Variants in CD8A observed in about 807,000 individuals in gnomAD.
CD8A encodes the protein CD8 subunit alpha.
A neutral mutation model predicts 24.2 loss-of-function variants in CD8A; 25 were observed. The observed-to-expected ratio is 1.03, with a 90% CI of 0.75 to 1.44. The LOEUF is 1.44. CD8A is among the 40% of genes most tolerant of loss of function. CD8A has a pLI of 0.00. For missense variants in CD8A, 360 were observed against 319.7 expected (o/e 1.13, Z -0.96); for synonymous variants, 165 against 149.9 (o/e 1.10, Z -0.74).
At chr2:86,802,313 C>T (rs1045015947) in intron 2 of CD8A, among the ~76,000 whole-genome samples, 1 of 152,196 alleles carries the variant, frequency 6.6e-6, no homozygotes, top group Non-Finnish European at 1.5e-5. Flanking sequence ...GCTGGGATTA[C>T]AGGTGTGAGC....
chr2:86,791,241 C>G, upstream of CD8A: 1 of 389,042 alleles, frequency 2.6e-6, no homozygotes, highest in Admixed American at 3.6e-5. Context: ...GTGTCCCTTC[C>G]TTTGCCTTCA....
Position 86,785,752 on chromosome 2 carries a change from C to G in CD8A, c.*168G>C. 1 of 770,886 alleles carries G rather than the reference C, an allele frequency of 1.3e-6. No homozygotes were observed. Among genetic ancestry groups the G allele is most frequent in the South Asian group, 1.4e-5 (1 of 73,206 alleles). 47.8% of individuals were successfully genotyped at this position (770,886 alleles called of 1,614,324 possible). ...GTAGATTTTACCTAGTTTTGTTTCC[C>G]GTCAAACACATAAAGAAAAAGTAAT... On this transcript the variant is annotated 3_prime_UTR_variant, in exon 6 of 6. Coordinates refer to ENST00000283635, the MANE Select transcript of CD8A (RefSeq NM_001768.7).
At chr2:86,794,334 C>T (rs1187637748), upstream of CD8A, among the ~76,000 whole-genome samples, 3 of 152,146 alleles carry the variant, frequency 2.0e-5, no homozygotes, top group Non-Finnish European at 4.4e-5. Context: ...CCGGGCAGAG[C>T]AGTGGTAGGA....
upstream of CD8A, chr2:86,791,229 G>A (rs1244428373): frequency 2.4e-5 from 10 of 409,288 alleles, no homozygotes; most frequent in African/African-American, 1.6e-4. Flanking sequence ...CAAAGGAGGG[G>A]AGTGTCCCTT....
At chr2:86,794,310 T>C (rs1673408078), upstream of CD8A, among the ~76,000 whole-genome samples, 1 of 152,206 alleles carries the variant, frequency 6.6e-6, no homozygotes, top group Non-Finnish European at 1.5e-5. Context: ...TAAAGACATA[T>C]TCAAAATGCA....
At chr2:86,791,181 G>C (rs1386155178), upstream of CD8A, 2 of 506,324 alleles carry the variant, frequency 4.0e-6, no homozygotes, top group Non-Finnish European at 3.7e-6. Context: ...GGTGAAGGGA[G>C]ACCAAAGATT....
intron 4 of CD8A, among the ~76,000 whole-genome samples, chr2:86,789,076 A>G (rs1420239198): frequency 2.0e-5 from 3 of 152,186 alleles, no homozygotes; most frequent in African/African-American, 7.2e-5. Flanking sequence ...TCGTCGACGG[A>G]ACACACCCGC....
intron 3 of CD8A, among the ~76,000 whole-genome samples, chr2:86,798,178 C>CTT (rs1215491737): frequency 1.1e-4 from 16 of 142,894 alleles, no homozygotes; most frequent in South Asian, 4.5e-4. Context: ...AGCTTTCTTT[C>CTT]TTTTTTTTTT....
chr2:86,789,684 A>G lies in CD8A; in HGVS notation c.470T>C (p.Leu157Pro). ...TPAPTIASQP[L>P]SLRPEACRPA... ...CCGGCACGCCTCTGGGCGCAGGGAC[A>G]GGGGCTGCGACGCGATGGTGGGCGC... The change falls in exon 3 of 6, where the codon CTG (leucine) becomes CCG (proline). Residue 157 changes from leucine (L) to proline (P), a missense_variant. Leu to Pro is a moderately conservative substitution (Grantham distance 98). Transcript: ENST00000283635. The G allele has an allele frequency of 1.4e-6, 2 of 1,423,998 alleles. No homozygotes were observed. Among genetic ancestry groups the G allele is most frequent in the Non-Finnish European group, 1.8e-6 (2 of 1,094,190 alleles). 88.2% of individuals were successfully genotyped at this position (1,423,998 alleles called of 1,614,324 possible).
upstream of CD8A, among the ~76,000 whole-genome samples, chr2:86,793,997 T>C (rs1342304265): frequency 1.3e-5 from 2 of 152,196 alleles, no homozygotes; most frequent in Non-Finnish European, 2.9e-5. Context: ...GGATTTTCGA[T>C]GTGACCACAA....
rs770488602 is a variant in CD8A, at chr2:86,790,868, G to A, written c.-43C>T. 2.0e-6 allele frequency: 3 copies of A among 1,530,084 alleles called. No homozygotes were observed. The highest frequency in any genetic ancestry group is 2.0e-5 in the Admixed American group (1 of 50,964). The allele number at this position is 1,530,084 out of a possible 1,614,324, so 94.8% of individuals were successfully genotyped here. On this transcript the variant is annotated 5_prime_UTR_variant, in exon 1 of 6. Coordinates refer to ENST00000283635, the MANE Select transcript of CD8A (RefSeq NM_001768.7). Reference sequence around the variant, plus strand: ...GCTGCTTGGCTCGAAGCTCGGGCGCGAGGGGAGGCGCGCGGGAGCCGGTGG... The same window carrying A: ...GCTGCTTGGCTCGAAGCTCGGGCGCAAGGGGAGGCGCGCGGGAGCCGGTGG...
At chr2:86,800,547 C>A (rs575382810) in intron 3 of CD8A, among the ~76,000 whole-genome samples, 1 of 151,764 alleles carries the variant, frequency 6.6e-6, no homozygotes, top group South Asian at 2.1e-4. Flanking sequence ...TTTCTAATAC[C>A]CCAACACTTT....
At position 86,796,316 on chromosome 2, in the gene CD8A, A is replaced by T. The variant is rs560090334; in HGVS notation, c.-271+5195T>A. ...AATATGGGAAGAAAGCATGGCTGAAAATTTTTCACAATTAAAGACAAACAT... is the reference window on the plus strand; with the variant it reads ...AATATGGGAAGAAAGCATGGCTGAATATTTTTCACAATTAAAGACAAACAT... On this transcript the variant is annotated intron_variant, in intron 3 of 8. Transcript: ENST00000409511. Among the ~76,000 whole-genome samples, 15 of 152,330 alleles carry T rather than the reference A, an allele frequency of 9.8e-5. 1 individual carries two copies. The South Asian group carries it at 3.1e-3, about 32-fold the overall frequency.
intron 3 of CD8A, among the ~76,000 whole-genome samples, chr2:86,797,272 T>G (rs1673512553): frequency 6.6e-6 from 1 of 150,492 alleles, no homozygotes; most frequent in Admixed American, 6.6e-5. Context: ...CAAAGGGAGG[T>G]GGTGTGGAAA....
At chr2:86,787,765 G>A (rs1010323748) in intron 5 of CD8A, among the ~76,000 whole-genome samples, 1 of 152,156 alleles carries the variant, frequency 6.6e-6, no homozygotes, top group Admixed American at 6.5e-5. Context: ...GTTGCTGTGA[G>A]GATTAAGAGA....
rs558225181 is a variant in CD8A, at chr2:86,790,477, T to G, written c.254A>C (p.Asp85Ala). 6.2e-7 allele frequency: 1 copy of G among 1,614,012 alleles called. No individual in the cohort carries two copies. The highest frequency in any genetic ancestry group is 1.3e-5 in the African/African-American group (1 of 75,024). ...CCTCTTGCCCGAGAACCGCTGGGTG[T>G]CCAGCCCCTCGGCCGCCTTGGGCTT... ...QNKPKAAEGL[D>A]TQRFSGKRLG... The change falls in exon 2 of 6, where the codon GAC (aspartate) becomes GCC (alanine). Residue 85 changes from aspartate to alanine, a missense_variant. Asp to Ala is a moderately radical substitution (Grantham distance 126). Coordinates refer to ENST00000283635, the MANE Select transcript of CD8A (RefSeq NM_001768.7).
Position 86,789,344 on chromosome 2 carries a change from T to A in CD8A, c.604A>T (p.Ile202Phe), listed in dbSNP as rs2104436226. 1.2e-6 allele frequency: 2 copies of A among 1,611,272 alleles called. No individual in the cohort carries two copies. Among genetic ancestry groups the A allele is most frequent in the South Asian group, 1.1e-5 (1 of 91,034 alleles). ...TTACTGTGGTTGCAGTAAAGGGTGATAACCAGTGACAGGAGAAGGACCCCA... is the reference window on the plus strand; with the variant it reads ...TTACTGTGGTTGCAGTAAAGGGTGAAAACCAGTGACAGGAGAAGGACCCCA... ...TCGVLLLSLV[I>F]TLYCNHRNRR... Residue 202 changes from isoleucine to phenylalanine, a missense_variant, in exon 4 of 6, where the codon ATC (isoleucine) becomes TTC (phenylalanine). Transcript: ENST00000283635.
upstream of CD8A, among the ~76,000 whole-genome samples, chr2:86,792,734 G>A (rs965023875): frequency 5.3e-5 from 8 of 151,764 alleles, no homozygotes; most frequent in Non-Finnish European, 1.0e-4. Flanking sequence ...GAGGTCAGGC[G>A]CTTTGCCCCG....
At chr2:86,793,183 C>G (rs1673369101), upstream of CD8A, among the ~76,000 whole-genome samples, 1 of 152,178 alleles carries the variant, frequency 6.6e-6, no homozygotes, top group Admixed American at 6.5e-5. Context: ...AAGATCCACC[C>G]CATTCTTATA....
Sources: allele counts gnomAD v4.1 joint callset (sites outside exome capture counted in the v4.1 genomes callset), GRCh38; gene constraint gnomAD v4.1.1; transcripts MANE v1.5; gene names NCBI Gene and HGNC (gene_info 2026-07-23, HGNC 2026-07-21).